Variants in SOCS4 observed in about 807,000 individuals in gnomAD.
The protein encoded by SOCS4 is suppressor of cytokine signaling 4.
Under a neutral mutation model 34.1 loss-of-function variants are expected in SOCS4, and 20 were observed. The observed-to-expected ratio is 0.59, with a 90% CI of 0.41 to 0.85. The LOEUF (loss-of-function observed/expected upper bound fraction) is 0.85, where lower values mean the gene tolerates loss of function less well. Among genes scored for constraint, SOCS4 ranks in the 40% least tolerant of loss-of-function variants. The pLI is 0.00. For synonymous variants in SOCS4, 180 were observed against 186.4 expected, an observed-to-expected ratio of 0.97 and a Z score of 0.28; for missense variants, 479 against 532.4, an observed-to-expected ratio of 0.90 and a Z score of 0.99.
chr14:55,027,676 C>T (rs2042478678), intron 1 of SOCS4: 1 of 152,272 alleles, frequency 6.6e-6, no homozygotes, highest in African/African-American at 2.4e-5. Context: ...TGGCATCCTT[C>T]GTGCCCTCAC....
chr14:55,039,717 C>T (rs1230096981), intron 2 of SOCS4, among the ~76,000 whole-genome samples: 3 of 152,102 alleles, frequency 2.0e-5, no homozygotes, highest in African/African-American at 7.2e-5. Flanking sequence ...CATGGTGAAA[C>T]CTTGTCTCTA....
At chr14:55,039,897 A>C (rs1321244788) in intron 2 of SOCS4, among the ~76,000 whole-genome samples, 1 of 152,218 alleles carries the variant, frequency 6.6e-6, no homozygotes, top group Non-Finnish European at 1.5e-5. Context: ...CTCCGTCTCA[A>C]AAAAGAAAAA....
intron 2 of SOCS4, among the ~76,000 whole-genome samples, chr14:55,042,052 C>G (rs1285387752): frequency 6.6e-6 from 1 of 152,032 alleles, no homozygotes; most frequent in African/African-American, 2.4e-5. Flanking sequence ...CCTGCCTCAG[C>G]CTCTCAAAGT....
chr14:55,042,936 T>A lies in SOCS4; in HGVS notation c.-90-16T>A. ...TAGATGACAAATGGTTAATGACTTT[T>A]TTTTGTTTTCTTTAGATACATCCAG... On this transcript the variant is annotated splice_polypyrimidine_tract_variant and intron_variant, in intron 2 of 2. Coordinates refer to ENST00000555846, the MANE Select transcript of SOCS4 (RefSeq NM_199421.2). The A allele has an allele frequency of 9.8e-7, 1 of 1,024,742 alleles. No individual in the cohort carries two copies. The highest frequency in any genetic ancestry group is 1.4e-6 in the Non-Finnish European group (1 of 712,978). The allele number at this position is 1,024,742 out of a possible 1,614,324, so 63.5% of individuals were successfully genotyped here. A position where few individuals can be genotyped will look rare whatever the true frequency, so the allele number is the denominator to read the frequency against.
At position 55,049,027 on chromosome 14, in the gene SOCS4, G is replaced by T. The variant is rs529019045; in HGVS notation, c.*4663G>T. ...CAGTACAATTTGAATTTATGGTTTA[G>T]GCTCTGCAATTAGAGGAACAATTGC... is the stretch of plus-strand genomic sequence containing the variant. On this transcript the variant is annotated 3_prime_UTR_variant, in exon 3 of 3. Transcript: ENST00000555846. 7 of 166,870 alleles carry T rather than the reference G, an allele frequency of 4.2e-5. No homozygotes were observed. In the Admixed American group the frequency reaches 4.6e-4, roughly 11 times the overall value. The allele number at this position is 166,870 out of a possible 1,614,324, so 10.3% of individuals were successfully genotyped here.
intron 2 of SOCS4, among the ~76,000 whole-genome samples, chr14:55,034,469 A>G (rs2042554967): frequency 6.6e-6 from 1 of 152,224 alleles, no homozygotes; most frequent in Non-Finnish European, 1.5e-5. Context: ...ACAGTTCTCT[A>G]GCAAAAGAAT....
In SOCS4 at chr14:55,044,109, C is replaced by T; in HGVS notation, c.1068C>T (p.Asp356=). 6.2e-7 allele frequency: 1 copy of T among 1,614,180 alleles called. No individual in the cohort carries two copies. Residue 356 remains aspartate (D), a synonymous_variant, in exon 3 of 3, where the codon GAC becomes GAT. Coordinates refer to ENST00000555846, the MANE Select transcript of SOCS4 (RefSeq NM_199421.2). ...AHDPCVFHSP[D]ITGLLEHYKD... ...ACCCCTGTGTCTTCCATTCTCCTGACATTACTGGGCTCCTAGAACATTATA... is the reference window on the plus strand; with the variant it reads ...ACCCCTGTGTCTTCCATTCTCCTGATATTACTGGGCTCCTAGAACATTATA...
At chr14:55,041,020 G>A (rs186804256) in intron 2 of SOCS4, among the ~76,000 whole-genome samples, 37 of 151,252 alleles carry the variant, frequency 2.4e-4, no homozygotes, top group Admixed American at 1.4e-3. Flanking sequence ...CTGTGTAGCC[G>A]AGACCACAGG....
chr14:55,032,694 G>C (rs755857371), intron 2 of SOCS4, among the ~76,000 whole-genome samples: 8 of 152,068 alleles, frequency 5.3e-5, no homozygotes, highest in Non-Finnish European at 7.4e-5. Context: ...AAAGATCTTT[G>C]ATTTGTCACC....
rs556708416 is a variant in SOCS4 at position 55,031,847 on chromosome 14, T to C, written c.-219-16T>C. The C allele has an allele frequency of 6.6e-6, 1 of 152,364 alleles. No individual in the cohort carries two copies. The highest frequency in any genetic ancestry group is 2.1e-4 in the South Asian group (1 of 4,832). The allele number at this position is 152,364 out of a possible 1,614,324, so 9.4% of individuals were successfully genotyped here. A position where few individuals can be genotyped will look rare whatever the true frequency, so the allele number is the denominator to read the frequency against. On this transcript the variant is annotated splice_polypyrimidine_tract_variant and intron_variant, in intron 1 of 2. Transcript: ENST00000555846. Reference sequence around the variant, plus strand: ...CAAACAAACCTGTTTTCAGATTTTTTTCTTAACATTCCAAGGAGTTCATCT... The same window carrying C: ...CAAACAAACCTGTTTTCAGATTTTTCTCTTAACATTCCAAGGAGTTCATCT...
At chr14:55,040,464 G>A (rs2042607430) in intron 2 of SOCS4, among the ~76,000 whole-genome samples, 1 of 152,118 alleles carries the variant, frequency 6.6e-6, no homozygotes, top group African/African-American at 2.4e-5. Flanking sequence ...GTTATTATAG[G>A]CCGGGCGCAC....
At chr14:55,040,123 T>C (rs916423395) in intron 2 of SOCS4, among the ~76,000 whole-genome samples, 1 of 152,238 alleles carries the variant, frequency 6.6e-6, no homozygotes, top group African/African-American at 2.4e-5. Flanking sequence ...TTCAATGGAA[T>C]TTAGTCAATG....
At chr14:55,027,998 A>T (rs1193341815) in intron 1 of SOCS4, among the ~76,000 whole-genome samples, 1 of 152,192 alleles carries the variant, frequency 6.6e-6, no homozygotes, top group Non-Finnish European at 1.5e-5. Context: ...TTCATTCTCC[A>T]TATTGGTACA....
chr14:55,028,649 A>C (rs1486774466), intron 1 of SOCS4, among the ~76,000 whole-genome samples: 1 of 152,212 alleles, frequency 6.6e-6, no homozygotes, highest in African/African-American at 2.4e-5. Flanking sequence ...TCACTATAAT[A>C]TCTGTAATAC....
At position 55,043,391 on chromosome 14, in the gene SOCS4, C is replaced by T. The variant is rs771813922; in HGVS notation, c.350C>T (p.Pro117Leu). The T allele has an allele frequency of 8.7e-6, 14 of 1,614,018 alleles. No individual in the cohort carries two copies. The highest frequency in any genetic ancestry group is 8.0e-5 in the African/African-American group (6 of 74,914). The part of the protein sequence containing the change: ...NCSSRHSSGL[P>L]SKRKIHISEL... ...AGTAGTCGGCACTCTTCAGGGCTTC[C>T]GTCTAAAAGGAAAATTCATATCAGT... is the stretch of plus-strand genomic sequence containing the variant. Residue 117 changes from proline to leucine, a missense_variant, in exon 3 of 3, where the codon CCG (proline) becomes CTG (leucine). By Grantham distance (98) the Pro-to-Leu change is moderately conservative. Coordinates refer to ENST00000555846, the MANE Select transcript of SOCS4 (RefSeq NM_199421.2).
rs1296741034 is a variant in SOCS4, at chr14:55,048,534, T to C, written c.*4170T>C. The C allele has an allele frequency of 6.0e-6, 1 of 166,946 alleles. No homozygotes were observed. The highest frequency in any genetic ancestry group is 6.5e-5 in the Admixed American group (1 of 15,282). 10.3% of individuals were successfully genotyped at this position (166,946 alleles called of 1,614,324 possible). A position where few individuals can be genotyped will look rare whatever the true frequency, so the allele number is the denominator to read the frequency against. On this transcript the variant is annotated 3_prime_UTR_variant, in exon 3 of 3. Coordinates refer to ENST00000555846, the MANE Select transcript of SOCS4 (RefSeq NM_199421.2). ...GGAAAGAACAGAAAGCACAAAGGTTTTTCTTTTCTTTATTAATGGCCTACT... is the reference window on the plus strand; with the variant it reads ...GGAAAGAACAGAAAGCACAAAGGTTCTTCTTTTCTTTATTAATGGCCTACT...
chr14:55,036,596 G>A (rs947912635), intron 2 of SOCS4, among the ~76,000 whole-genome samples: 2 of 151,852 alleles, frequency 1.3e-5, no homozygotes, highest in Admixed American at 6.6e-5. Context: ...CACCCGTCTC[G>A]GCCTCCCAAA....
Position 55,044,165 on chromosome 14 carries a change from C to T in SOCS4, c.1124C>T (p.Pro375Leu). The change falls in exon 3 of 3, where the codon CCA (proline) becomes CTA (leucine). Residue 375 changes from proline (P) to leucine (L), a missense_variant. Physicochemically the swap from Pro to Leu is moderately conservative, Grantham distance 98 (BLOSUM62 -3). Coordinates refer to ENST00000555846, the MANE Select transcript of SOCS4 (RefSeq NM_199421.2). ...CCAAGCGCCTGTATGTTCTTTGAAC[C>T]ACTTCTATCCACTCCCTTAATTCGG... ...KDPSACMFFE[P>L]LLSTPLIRTF... The T allele has an allele frequency of 3.7e-6, 6 of 1,614,014 alleles. No individual in the cohort carries two copies. The highest frequency in any genetic ancestry group is 5.1e-6 in the Non-Finnish European group (6 of 1,179,966).
rs2042698459 is a variant in SOCS4, at chr14:55,048,629, T to C, written c.*4265T>C. The stretch of plus-strand genomic sequence containing the variant: ...TAAGATATTGGACACAAAATGGAGG[T>C]AACTTTTTAAAATAGATTGGCTTGG... On this transcript the variant is annotated 3_prime_UTR_variant, in exon 3 of 3. Transcript: ENST00000555846. The C allele has an allele frequency of 6.0e-6, 1 of 167,050 alleles. No individual in the cohort carries two copies. 10.3% of individuals were successfully genotyped at this position (167,050 alleles called of 1,614,324 possible).
Sources: gnomAD v4.1 joint callset for allele counts (sites outside exome capture counted in the v4.1 genomes callset) on GRCh38, gnomAD v4.1.1 for gene constraint, MANE v1.5 for transcripts, NCBI Gene and HGNC (gene_info 2026-07-23, HGNC 2026-07-21) for gene names.